Variants in KANSL1 observed in about 807,000 individuals in gnomAD.
The protein encoded by KANSL1 is MLL1/MLL complex subunit KANSL1.
In KANSL1, 22 loss-of-function variants were observed where a neutral mutation model predicts 103.6. The observed-to-expected ratio is 0.21, with a 90% CI of 0.15 to 0.30. KANSL1 has a LOEUF of 0.30. Ranked by LOEUF, KANSL1 falls within the 10% of genes least tolerant of loss-of-function variation. KANSL1 has a pLI of 1.00. For synonymous variants in KANSL1, 600 were observed against 527.6 expected, an observed-to-expected ratio of 1.14 and a Z score of -1.88; for missense variants, 1,337 against 1,399.8, an observed-to-expected ratio of 0.96 and a Z score of 0.72.
chr17:46,155,750 T>C (rs1430184154), intron 2 of KANSL1, among the ~76,000 whole-genome samples: 1 of 151,798 alleles, frequency 6.6e-6, no homozygotes. Flanking sequence ...GTTCCTACAG[T>C]CTATTAAAAA....
intron 10 of KANSL1, 61 bp downstream of exon 10, chr17:46,038,477 C>A: frequency 6.3e-7 from 1 of 1,577,542 alleles, no homozygotes; most frequent in South Asian, 1.2e-5. Context: ...TCCTCTGGAG[C>A]CACTTGAGTG....
At chr17:46,095,232 A>G (rs1461889572) in intron 2 of KANSL1, among the ~76,000 whole-genome samples, 1 of 152,238 alleles carries the variant, frequency 6.6e-6, no homozygotes, top group Non-Finnish European at 1.5e-5. Flanking sequence ...ATGGTAGGAC[A>G]CATTTTTTTA....
At chr17:46,116,498 C>A (rs1452037128) in intron 2 of KANSL1, among the ~76,000 whole-genome samples, 3 of 152,220 alleles carry the variant, frequency 2.0e-5, no homozygotes, top group African/African-American at 7.2e-5. Flanking sequence ...CCAATGCACT[C>A]CAGCCTGGGC....
chr17:46,071,015 G>A (rs2078557038), intron 4 of KANSL1, among the ~76,000 whole-genome samples: 1 of 152,154 alleles, frequency 6.6e-6, no homozygotes, highest in Non-Finnish European at 1.5e-5. Flanking sequence ...AAAATCACCA[G>A]TAATGTCACG....
chr17:46,046,857 AAAG>A (rs1243596268), intron 7 of KANSL1, among the ~76,000 whole-genome samples: 5 of 151,866 alleles, frequency 3.3e-5, no homozygotes, highest in Non-Finnish European at 7.4e-5. Flanking sequence ...AAAAAAAAAA[AAAG>A]AATTTTGAAA....
intron 2 of KANSL1, among the ~76,000 whole-genome samples, chr17:46,126,357 A>G (rs2043556200): frequency 6.6e-6 from 1 of 151,910 alleles, no homozygotes; most frequent in Non-Finnish European, 1.5e-5. Flanking sequence ...CAGGAGAATC[A>G]CTCGAACCCA....
intron 4 of KANSL1, among the ~76,000 whole-genome samples, chr17:46,069,410 A>G (rs1338973747): frequency 6.6e-6 from 1 of 152,218 alleles, no homozygotes; most frequent in Non-Finnish European, 1.5e-5. Context: ...ATAAAACACC[A>G]AAGGACTGAA....
chr17:46,103,169 A>C (rs888274786), intron 2 of KANSL1, among the ~76,000 whole-genome samples: 9 of 152,236 alleles, frequency 5.9e-5, no homozygotes, highest in African/African-American at 1.9e-4. Context: ...AATCCATGTT[A>C]ATCTTATAAA....
intron 2 of KANSL1, among the ~76,000 whole-genome samples, chr17:46,157,555 C>T (rs1298994056): frequency 6.6e-6 from 1 of 152,246 alleles, no homozygotes; most frequent in East Asian, 1.9e-4. Flanking sequence ...AGTCACCTCA[C>T]ATTTCTCAAC....
At chr17:46,140,079 C>T (rs2044343923) in intron 2 of KANSL1, among the ~76,000 whole-genome samples, 2 of 152,274 alleles carry the variant, frequency 1.3e-5, no homozygotes, top group East Asian at 3.9e-4. Flanking sequence ...CAACCCATCC[C>T]ATCCCTCAGA....
At chr17:46,179,520 T>C (rs2046682158) in intron 1 of KANSL1, among the ~76,000 whole-genome samples, 1 of 152,232 alleles carries the variant, frequency 6.6e-6, no homozygotes, top group South Asian at 2.1e-4. Context: ...GCCCATAATG[T>C]GGCTTCTACT....
intron 2 of KANSL1, among the ~76,000 whole-genome samples, chr17:46,147,519 G>C (rs2044777227): frequency 6.6e-6 from 1 of 150,840 alleles, no homozygotes; most frequent in African/African-American, 2.5e-5. Context: ...GGGTGTAGTG[G>C]GCAGAGATCA....
At chr17:46,126,365 C>T (rs1286911115) in intron 2 of KANSL1, among the ~76,000 whole-genome samples, 1 of 152,084 alleles carries the variant, frequency 6.6e-6, no homozygotes, top group Non-Finnish European at 1.5e-5. Flanking sequence ...TCACTCGAAC[C>T]CAGGAGGCGG....
At chr17:46,070,690 A>G (rs953415794) in intron 4 of KANSL1, among the ~76,000 whole-genome samples, 2 of 152,156 alleles carry the variant, frequency 1.3e-5, no homozygotes, top group South Asian at 4.1e-4. Context: ...CTGTTTAAAA[A>G]TGCTGTTTGT....
chr17:46,161,250 TAAAAAAAAA>T (rs534754110), intron 2 of KANSL1, among the ~76,000 whole-genome samples: 72 of 79,384 alleles, frequency 9.1e-4, no homozygotes, highest in Middle Eastern at 6.6e-3. Context: ...CCACCTCTAC[TAAAAAAAAA>T]AAAAAAAAAA....
chr17:46,071,853 G>A (rs1357757138), intron 4 of KANSL1, among the ~76,000 whole-genome samples: 5 of 152,156 alleles, frequency 3.3e-5, no homozygotes, highest in African/African-American at 1.2e-4. Context: ...AGAAAGAGTA[G>A]AAAAGCTAAA....
chr17:46,103,778 C>A (rs1311661340), intron 2 of KANSL1, among the ~76,000 whole-genome samples: 2 of 152,234 alleles, frequency 1.3e-5, no homozygotes, highest in Non-Finnish European at 2.9e-5. Context: ...GTAATCTCAG[C>A]ACTTTGGGAG....
At chr17:46,130,710 G>A (rs2043825201) in intron 2 of KANSL1, among the ~76,000 whole-genome samples, 1 of 152,212 alleles carries the variant, frequency 6.6e-6, no homozygotes, top group Non-Finnish European at 1.5e-5. Flanking sequence ...CTACAGAACA[G>A]CAGTCACTGC....
intron 10 of KANSL1, chr17:46,035,631 C>T (rs755654665): frequency 6.6e-6 from 1 of 152,134 alleles, no homozygotes; most frequent in Non-Finnish European, 1.5e-5. Flanking sequence ...GATCTCATAC[C>T]CAGAGACCTC....
Sources: gnomAD v4.1 joint callset for allele counts (sites outside exome capture counted in the v4.1 genomes callset) on GRCh38, gnomAD v4.1.1 for gene constraint, MANE v1.5 for transcripts, NCBI Gene and HGNC (gene_info 2026-07-23, HGNC 2026-07-21) for gene names.